The following TCF4 variants were observed in gnomAD, a reference collection of about 807,000 sequenced individuals.
TCF4 encodes transcription factor 4.
Under a neutral mutation model 82.1 loss-of-function variants are expected in TCF4, and 3 were observed. The ratio of observed to expected loss-of-function variants is 0.04; its 90% CI spans 0.02 to 0.09. The LOEUF (loss-of-function observed/expected upper bound fraction) is 0.09. Among genes scored for constraint, TCF4 ranks in the 10% least tolerant of loss-of-function variants. The pLI is 1.00. For missense variants in TCF4, 518 were observed against 852.7 expected (o/e 0.61, Z 4.89); for synonymous variants, 276 against 309.6 (o/e 0.89, Z 1.14).
chr18:55,577,110 GTATA>G (rs2097534932), intron 3 of TCF4, among the ~76,000 whole-genome samples: 4 of 132,780 alleles, frequency 3.0e-5, no homozygotes, highest in Admixed American at 7.9e-5. Context: ...ATTTATATAT[GTATA>G]TATACATTTA....
In TCF4 at chr18:55,398,614, C is replaced by CTT. The variant is rs1208633562; in HGVS notation, c.369+4838_369+4839dup. Among the ~76,000 whole-genome samples the CTT allele has an allele frequency of 2.6e-5, 4 of 152,248 alleles. No individual in the cohort carries two copies. The East Asian group carries it at 7.7e-4, about 29-fold the overall frequency. ...GTTAGAAGGAAGAGCTTCCAAAGGACTTTTTTGGGAGAGTGCAGTTTTCTG... is the reference window on the plus strand; with the variant it reads ...GTTAGAAGGAAGAGCTTCCAAAGGACTTTTTTTTGGGAGAGTGCAGTTTTCTG... On this transcript the variant is annotated intron_variant, in intron 6 of 19. Coordinates refer to ENST00000354452, the MANE Select transcript of TCF4 (RefSeq NM_001083962.2).
chr18:55,574,766 A>G (rs942143923), intron 3 of TCF4, among the ~76,000 whole-genome samples: 5 of 152,174 alleles, frequency 3.3e-5, no homozygotes, highest in South Asian at 2.1e-4. Flanking sequence ...TTCTAGCACT[A>G]TAACTTGTAT....
At chr18:55,424,066 G>T (rs960005015) in intron 5 of TCF4, among the ~76,000 whole-genome samples, 2 of 152,110 alleles carry the variant, frequency 1.3e-5, no homozygotes, top group Non-Finnish European at 2.9e-5. Flanking sequence ...ATTTTTAAGG[G>T]TGACTGCTTG....
chr18:55,264,761 G>A (rs1010655687), intron 11 of TCF4: 3 of 152,050 alleles, frequency 2.0e-5, no homozygotes, highest in African/African-American at 7.2e-5. Context: ...GAAAACTAAT[G>A]CATTTGCTTG....
At chr18:55,422,148 A>ATC (rs1556299552) in intron 5 of TCF4, 3 of 807,894 alleles carry the variant, frequency 3.7e-6, no homozygotes. Context: ...AAAAAAAAAA[A>ATC]CCCACCCTGA....
At chr18:55,464,266 A>G in intron 3 of TCF4, 129 bp from the exon 4 acceptor site, 1 of 791,354 alleles carries the variant, frequency 1.3e-6, no homozygotes, top group Admixed American at 1.9e-5. Context: ...CCGGGCTACC[A>G]TGATGATAGT....
intron 3 of TCF4, among the ~76,000 whole-genome samples, chr18:55,564,868 C>A (rs2097388956): frequency 6.6e-6 from 1 of 152,186 alleles, no homozygotes. Flanking sequence ...ATTCTCCCAA[C>A]AACCCTATTT....
chr18:55,574,954 C>A (rs530464463), intron 3 of TCF4, among the ~76,000 whole-genome samples: 2 of 152,192 alleles, frequency 1.3e-5, no homozygotes, highest in Non-Finnish European at 2.9e-5. Flanking sequence ...TCATCCACTT[C>A]CACTTTTCTG....
intron 15 of TCF4, among the ~76,000 whole-genome samples, chr18:55,245,202 C>A (rs1022879452): frequency 6.6e-6 from 1 of 152,084 alleles, no homozygotes; most frequent in Non-Finnish European, 1.5e-5. Flanking sequence ...TACTATGAAC[C>A]CATTTTCAAC....
In TCF4 at chr18:55,588,099, ACCGCCGCCG is replaced by A; in HGVS notation, c.-91_-83del. 1 of 1,018,756 alleles carries A rather than the reference ACCGCCGCCG, an allele frequency of 9.8e-7. No individual in the cohort carries two copies. The highest frequency in any genetic ancestry group is 1.2e-6 in the Non-Finnish European group (1 of 856,938). The allele number at this position is 1,018,756 out of a possible 1,614,324, so 63.1% of individuals were successfully genotyped here. A position where few individuals can be genotyped will look rare whatever the true frequency, so the allele number is the denominator to read the frequency against. ...GGCGCCGAGGCGGCGTTCATGTCTAACCGCCGCCGCCACCGCCGCCGCCTGCTCCTGCGC... is the reference window on the plus strand; with the variant it reads ...GGCGCCGAGGCGGCGTTCATGTCTAACCACCGCCGCCGCCTGCTCCTGCGC... On this transcript the variant is annotated 5_prime_UTR_variant, in exon 1 of 20. Transcript: ENST00000354452.
intron 3 of TCF4, among the ~76,000 whole-genome samples, chr18:55,584,604 C>T (rs147228358): frequency 5.9e-5 from 9 of 152,136 alleles, no homozygotes; most frequent in African/African-American, 1.4e-4. Context: ...GTGAATAGTG[C>T]TAGCATCTTT....
intron 6 of TCF4, among the ~76,000 whole-genome samples, chr18:55,391,661 G>A (rs937912965): frequency 1.3e-5 from 2 of 151,944 alleles, no homozygotes; most frequent in South Asian, 2.1e-4. Flanking sequence ...TGCCAGGCGC[G>A]GTGGTTCATG....
chr18:55,302,447 A>G (rs1466676184), intron 8 of TCF4: 9 of 1,536,190 alleles, frequency 5.9e-6, no homozygotes, highest in Non-Finnish European at 7.8e-6. Context: ...CAGGCAACAT[A>G]GCCCTGTATC....
chr18:55,412,559 C>T (rs2094391517), intron 5 of TCF4, among the ~76,000 whole-genome samples: 1 of 152,058 alleles, frequency 6.6e-6, no homozygotes. Context: ...GTGAACCTGA[C>T]CTGGTTCGTT....
intron 17 of TCF4, 93 bp from the exon 18 acceptor site, chr18:55,229,169 C>G (rs1013836043): frequency 2.8e-6 from 4 of 1,434,616 alleles, no homozygotes; most frequent in Non-Finnish European, 2.9e-6. Context: ...TTTCAGGGAA[C>G]TTTTCCATCT....
intron 2 of TCF4, among the ~76,000 whole-genome samples, chr18:55,614,274 T>C (rs2097709834): frequency 1.3e-5 from 2 of 152,210 alleles, no homozygotes; most frequent in Admixed American, 1.3e-4. Flanking sequence ...TTCACTTAGT[T>C]ACATATCTAG....
At chr18:55,588,761 T>G (rs2097675998), upstream of TCF4, 2 of 1,215,472 alleles carry the variant, frequency 1.6e-6, no homozygotes, top group Non-Finnish European at 2.1e-6. Context: ...TCGGTAGTTT[T>G]GCGTTGGGGG....
Position 55,587,156 on chromosome 18 carries a change from C to T in TCF4, c.-20-20G>A, listed in dbSNP as rs2097656807. On this transcript the variant is annotated intron_variant, in intron 1 of 19. Coordinates refer to ENST00000354452, the MANE Select transcript of TCF4 (RefSeq NM_001083962.2). ...ACAAACCTAGAAACATGGAAATAAC[C>T]GCAATCAGAAAATCCAGTCCCAATC... The T allele has an allele frequency of 1.9e-6, 3 of 1,592,620 alleles. No homozygotes were observed. Among genetic ancestry groups the T allele is most frequent in the South Asian group, 1.1e-5 (1 of 90,698 alleles).
At chr18:55,317,647 C>G (rs964882206) in intron 8 of TCF4, among the ~76,000 whole-genome samples, 5 of 152,166 alleles carry the variant, frequency 3.3e-5, no homozygotes, top group African/African-American at 4.8e-5. Flanking sequence ...AAAAGCTACA[C>G]TCTTCATACC....
Sources: allele counts gnomAD v4.1 joint callset (sites outside exome capture counted in the v4.1 genomes callset), GRCh38; gene constraint gnomAD v4.1.1; transcripts MANE v1.5; gene names NCBI Gene and HGNC (gene_info 2026-07-23, HGNC 2026-07-21).